Variants in TENM3 observed in about 807,000 individuals in gnomAD.
TENM3 encodes the protein teneurin transmembrane protein 3, also known as teneurin-3.
Under a neutral mutation model 255.1 loss-of-function variants are expected in TENM3, and 63 were observed. The ratio of observed to expected loss-of-function variants is 0.25; its 90% CI spans 0.20 to 0.30. TENM3 has a LOEUF of 0.30. Among genes scored for constraint, TENM3 ranks in the 10% least tolerant of loss-of-function variants. The probability of loss-of-function intolerance (pLI) is 1.00; values close to 1 mark genes in which losing one functional copy is unlikely to be tolerated. For missense variants in TENM3, 2,929 were observed against 3,461.1 expected, an observed-to-expected ratio of 0.85 and a Z score of 3.86; for synonymous variants, 1,306 against 1,322.3, an observed-to-expected ratio of 0.99 and a Z score of 0.27.
the TENM3 span, among the ~76,000 whole-genome samples, chr4:181,696,175 T>C: frequency 3.3e-5 from 5 of 152,222 alleles, no homozygotes; most frequent in East Asian, 9.6e-4. Context: ...GAAGAACTAA[T>C]AACTTGAGAC....
intron 1 of TENM3, among the ~76,000 whole-genome samples, chr4:182,261,528 G>A (rs11940750): frequency 0.13 from 19,398 of 152,176 alleles, 1,631 homozygotes; most frequent in African/African-American, 0.24. Flanking sequence ...CTTAACTTCA[G>A]ACTTTTAGGT....
At chr4:182,036,278 C>T in the TENM3 span, among the ~76,000 whole-genome samples, 1 of 152,106 alleles carries the variant, frequency 6.6e-6, no homozygotes, top group Non-Finnish European at 1.5e-5. Context: ...GCAACCTCCA[C>T]CTCCCAGGTT....
the TENM3 span, among the ~76,000 whole-genome samples, chr4:181,529,976 A>G: frequency 6.6e-6 from 1 of 152,218 alleles, no homozygotes; most frequent in East Asian, 1.9e-4. Flanking sequence ...ACTAAGTAAG[A>G]ATAGGACACA....
chr4:182,739,345 C>T (rs1413966459), intron 18 of TENM3, among the ~76,000 whole-genome samples: 1 of 152,080 alleles, frequency 6.6e-6, no homozygotes, highest in Non-Finnish European at 1.5e-5. Flanking sequence ...ACTGTGTTTC[C>T]AACATTTTGC....
chr4:181,789,829 G>A, the TENM3 span, among the ~76,000 whole-genome samples: 2 of 152,224 alleles, frequency 1.3e-5, no homozygotes, highest in South Asian at 2.1e-4. Flanking sequence ...GGAAGTGCTG[G>A]GAGGATGGCA....
At chr4:181,810,703 A>T in the TENM3 span, among the ~76,000 whole-genome samples, 2 of 152,260 alleles carry the variant, frequency 1.3e-5, no homozygotes, top group East Asian at 3.9e-4. Flanking sequence ...ACGGATCCAC[A>T]GGACAGAATT....
At chr4:182,244,081 G>A (rs1199589392) in intron 1 of TENM3, among the ~76,000 whole-genome samples, 1 of 150,324 alleles carries the variant, frequency 6.7e-6, no homozygotes, top group Non-Finnish European at 1.5e-5. Context: ...AGCCTCCCGA[G>A]TAGCTGGGAC....
chr4:182,157,610 C>T (rs532889443), intron 1 of TENM3, among the ~76,000 whole-genome samples: 2 of 152,150 alleles, frequency 1.3e-5, no homozygotes, highest in Admixed American at 6.5e-5. Flanking sequence ...TAGGACTGCT[C>T]AGGTTCTAAA....
At chr4:181,917,977 T>C in the TENM3 span, among the ~76,000 whole-genome samples, 1 of 152,128 alleles carries the variant, frequency 6.6e-6, no homozygotes, top group African/African-American at 2.4e-5. Flanking sequence ...CTCAGGTTTC[T>C]AACCAACTCC....
At chr4:181,562,735 C>G in the TENM3 span, among the ~76,000 whole-genome samples, 1 of 151,230 alleles carries the variant, frequency 6.6e-6, no homozygotes, top group African/African-American at 2.4e-5. Flanking sequence ...AGAGCAGTGC[C>G]GCGATCTCAG....
intron 3 of TENM3, among the ~76,000 whole-genome samples, chr4:182,539,674 C>T (rs1740670580): frequency 6.6e-6 from 1 of 152,198 alleles, no homozygotes; most frequent in South Asian, 2.1e-4. Context: ...CTCCTCTAAG[C>T]ACAACTATTA....
At chr4:182,177,122 C>T (rs1471282210) in intron 1 of TENM3, among the ~76,000 whole-genome samples, 2 of 152,088 alleles carry the variant, frequency 1.3e-5, no homozygotes, top group Non-Finnish European at 2.9e-5. Flanking sequence ...CATGGGGACC[C>T]GCACGGAGCA....
chr4:181,811,280 A>G, the TENM3 span, among the ~76,000 whole-genome samples: 2 of 152,144 alleles, frequency 1.3e-5, no homozygotes, highest in East Asian at 3.9e-4. Flanking sequence ...TGAACATCTC[A>G]CATATATTTA....
chr4:182,577,275 G>A (rs10030418), intron 3 of TENM3, among the ~76,000 whole-genome samples: 49,131 of 152,124 alleles, frequency 0.32, 9,547 homozygotes, highest in East Asian at 0.49. Flanking sequence ...ATATAGTGTA[G>A]TAGGGAGGAA....
chr4:181,761,224 T>A, the TENM3 span, among the ~76,000 whole-genome samples: 1 of 152,128 alleles, frequency 6.6e-6, no homozygotes, highest in Non-Finnish European at 1.5e-5. Context: ...TCTTACAGTG[T>A]ATTATCATTG....
chr4:181,955,071 TA>T, the TENM3 span, among the ~76,000 whole-genome samples: 1 of 152,200 alleles, frequency 6.6e-6, no homozygotes, highest in Non-Finnish European at 1.5e-5. Flanking sequence ...AACATTGCAA[TA>T]AATATTACAT....
intron 5 of TENM3, among the ~76,000 whole-genome samples, chr4:182,652,237 C>T (rs6857813): frequency 0.028 from 4,286 of 152,202 alleles, 109 homozygotes; most frequent in Non-Finnish European, 0.037. Flanking sequence ...CGAAAGTCAA[C>T]TAAAATAGTC....
At chr4:181,461,935 A>G in the TENM3 span, among the ~76,000 whole-genome samples, 44 of 151,450 alleles carry the variant, frequency 2.9e-4, no homozygotes, top group East Asian at 5.3e-3. Context: ...ATTGAATGCC[A>G]GACATTATGA....
At chr4:181,995,215 G>T in the TENM3 span, among the ~76,000 whole-genome samples, 3 of 151,984 alleles carry the variant, frequency 2.0e-5, no homozygotes, top group African/African-American at 7.2e-5. Context: ...GCTTGAACCC[G>T]GGGGGCGGAG....
Sources: gnomAD v4.1 joint callset for allele counts (sites outside exome capture counted in the v4.1 genomes callset) on GRCh38, gnomAD v4.1.1 for gene constraint, MANE v1.5 for transcripts, NCBI Gene and HGNC (gene_info 2026-07-23, HGNC 2026-07-21) for gene names.